Variants in ZMIZ1 observed in about 807,000 individuals in gnomAD.
ZMIZ1 encodes the protein zinc finger MIZ-type containing 1.
ZMIZ1 carries 17 observed loss-of-function variants against 113.9 expected under a neutral mutation model. The observed-to-expected ratio is 0.15, with a 90% CI of 0.10 to 0.22. The LOEUF is 0.22. Among genes scored for constraint, ZMIZ1 ranks in the 10% least tolerant of loss-of-function variants. ZMIZ1 has a pLI of 1.00. For missense variants in ZMIZ1, 1,059 were observed against 1,477.8 expected (o/e 0.72, Z 4.65); for synonymous variants, 607 against 603.1 (o/e 1.01, Z -0.09).
Position 79,070,749 on chromosome 10 carries a change from C to T in ZMIZ1, c.-337+1479C>T, listed in dbSNP as rs1312510687. Among the ~76,000 whole-genome samples the T allele has an allele frequency of 2.0e-5, 3 of 152,104 alleles. No individual in the cohort carries two copies. In the East Asian group the frequency reaches 5.8e-4, roughly 30 times the overall value. The stretch of plus-strand genomic sequence containing the variant: ...GACGGCCGGGTCCCTGCTTCGGTGC[C>T]CGGAGCCCCGGCTGCGCCTGCCCGG... On this transcript the variant is annotated intron_variant, in intron 1 of 24. Coordinates refer to ENST00000334512, the MANE Select transcript of ZMIZ1 (RefSeq NM_020338.4).
intron 2 of ZMIZ1, among the ~76,000 whole-genome samples, chr10:79,125,749 C>T (rs570655003): frequency 2.7e-4 from 41 of 152,316 alleles, no homozygotes; most frequent in African/African-American, 9.4e-4. Flanking sequence ...GCCTCTCTCT[C>T]GTGTTGGGAG....
intron 1 of ZMIZ1, among the ~76,000 whole-genome samples, chr10:79,095,073 C>G (rs145408919): frequency 3.2e-3 from 486 of 152,302 alleles, no homozygotes; most frequent in Non-Finnish European, 5.0e-3. Flanking sequence ...TACAGGAGCT[C>G]TGACTCTCAG....
intron 8 of ZMIZ1, among the ~76,000 whole-genome samples, chr10:79,278,807 G>A (rs1852480781): frequency 6.6e-6 from 1 of 152,032 alleles, no homozygotes; most frequent in African/African-American, 2.4e-5. Flanking sequence ...TCTTAGTACA[G>A]AACAAAATGG....
intron 7 of ZMIZ1, among the ~76,000 whole-genome samples, chr10:79,264,117 T>G (rs1202486946): frequency 6.6e-6 from 1 of 151,932 alleles, no homozygotes; most frequent in East Asian, 1.9e-4. Context: ...AGAGCTGGAG[T>G]GCAGGCTCCG....
intron 7 of ZMIZ1, among the ~76,000 whole-genome samples, chr10:79,221,283 C>T (rs984612802): frequency 4.0e-5 from 6 of 151,578 alleles, no homozygotes; most frequent in Non-Finnish European, 7.4e-5. Flanking sequence ...TGTGTGTGTG[C>T]GTGTGTGTGT....
intron 18 of ZMIZ1, 130 bp from the exon 19 acceptor site, chr10:79,303,885 G>A (rs948365907): frequency 5.9e-5 from 78 of 1,325,668 alleles, no homozygotes; most frequent in Admixed American, 8.1e-5. Context: ...CCCTCTCAGC[G>A]TTTGGTGTGG....
At position 79,111,438 on chromosome 10, in the gene ZMIZ1, C is replaced by T. The variant is rs961598525; in HGVS notation, c.-336-7477C>T. Among the ~76,000 whole-genome samples the T allele has an allele frequency of 1.5e-4, 23 of 152,136 alleles. 1 individual carries two copies. The highest frequency in any genetic ancestry group is 1.5e-3 in the Admixed American group (23 of 15,268). ...GAATCATTCCCGGGGAAAGGTGTAC[C>T]CTCTCCCATAAGAAGTTTGGCCTGC... On this transcript the variant is annotated intron_variant, in intron 1 of 24. Transcript: ENST00000334512.
intron 1 of ZMIZ1, among the ~76,000 whole-genome samples, chr10:79,074,693 G>A (rs1452490607): frequency 3.3e-5 from 5 of 152,260 alleles, no homozygotes; most frequent in South Asian, 2.1e-4. Context: ...CCCACTCCGT[G>A]TGAGACCTTA....
In ZMIZ1 at chr10:79,296,376, G is replaced by T; in HGVS notation, c.1231-95G>T. On this transcript the variant is annotated intron_variant, in intron 12 of 24. Coordinates refer to ENST00000334512, the MANE Select transcript of ZMIZ1 (RefSeq NM_020338.4). This position sits in a 1 kb window ranked among gnomAD's most constrained non-coding sequence, Gnocchi z 4.1. ...GGTGGGAAACAGCAGGAGCAAATGA[G>T]GAGAGGCGGGCCCCATCCCGTTGTT... 1 of 1,349,200 alleles carries T rather than the reference G, an allele frequency of 7.4e-7. No individual in the cohort carries two copies. The highest frequency in any genetic ancestry group is 1.0e-6 in the Non-Finnish European group (1 of 953,858). 83.6% of individuals were successfully genotyped at this position (1,349,200 alleles called of 1,614,324 possible).
intron 7 of ZMIZ1, among the ~76,000 whole-genome samples, chr10:79,216,633 A>G (rs932733272): frequency 2.2e-4 from 33 of 152,322 alleles, no homozygotes; most frequent in Admixed American, 1.5e-3. Flanking sequence ...CACATGAGGA[A>G]ACTGAGGCTC....
intron 3 of ZMIZ1, among the ~76,000 whole-genome samples, chr10:79,149,695 G>A (rs1010511821): frequency 2.0e-5 from 3 of 152,202 alleles, no homozygotes; most frequent in African/African-American, 7.2e-5. Flanking sequence ...GGGGTGGCAC[G>A]CCTTCTGCAA....
intron 4 of ZMIZ1, among the ~76,000 whole-genome samples, chr10:79,169,158 G>C (rs1029405007): frequency 2.6e-5 from 4 of 152,200 alleles, no homozygotes; most frequent in Non-Finnish European, 2.9e-5. Context: ...CCTCAGGTTG[G>C]TGGGACAGGC....
At chr10:79,076,413 T>C (rs1589244386) in intron 1 of ZMIZ1, among the ~76,000 whole-genome samples, 1 of 150,946 alleles carries the variant, frequency 6.6e-6, no homozygotes, top group East Asian at 2.0e-4. Context: ...GGATGGGGAG[T>C]TTTCAGTGGC....
intron 20 of ZMIZ1, 69 bp from the exon 21 acceptor site, chr10:79,305,464 G>GT: frequency 1.3e-6 from 2 of 1,551,576 alleles, no homozygotes; most frequent in Middle Eastern, 3.4e-4. Context: ...TGACACTGAG[G>GT]TGGATGGGCT....
intron 3 of ZMIZ1, among the ~76,000 whole-genome samples, chr10:79,158,397 G>C (rs1224537648): frequency 6.6e-6 from 1 of 152,234 alleles, no homozygotes; most frequent in Non-Finnish European, 1.5e-5. Flanking sequence ...CCTGCTTAGA[G>C]AGGAGCTGGG....
At chr10:79,311,489 T>A (rs1367022776) in intron 24 of ZMIZ1, among the ~76,000 whole-genome samples, 1 of 152,142 alleles carries the variant, frequency 6.6e-6, no homozygotes, top group African/African-American at 2.4e-5. Context: ...GGAGGGTCCC[T>A]GCCCTCCCCC....
intron 4 of ZMIZ1, among the ~76,000 whole-genome samples, chr10:79,182,424 G>A (rs1397977344): frequency 6.6e-6 from 1 of 152,184 alleles, no homozygotes; most frequent in Non-Finnish European, 1.5e-5. Context: ...CTTCTCGAGA[G>A]AGCTCTGTGG....
chr10:79,143,252 C>T (rs1318651591), intron 3 of ZMIZ1, among the ~76,000 whole-genome samples: 1 of 152,092 alleles, frequency 6.6e-6, no homozygotes, highest in Non-Finnish European at 1.5e-5. Context: ...ACTTAGAATT[C>T]CAGCTTTGCC....
At chr10:79,074,028 T>C (rs1842388974) in intron 1 of ZMIZ1, among the ~76,000 whole-genome samples, 2 of 152,212 alleles carry the variant, frequency 1.3e-5, no homozygotes, top group South Asian at 4.1e-4. Context: ...CACGGGCGCG[T>C]GATGACAGTA....
Sources: gnomAD v4.1 joint callset for allele counts (sites outside exome capture counted in the v4.1 genomes callset) on GRCh38, gnomAD v4.1.1 for gene constraint, Gnocchi (gnomAD v3.1) non-coding constraint, MANE v1.5 for transcripts, NCBI Gene and HGNC (gene_info 2026-07-23, HGNC 2026-07-21) for gene names.